SMOC2: variants seen among roughly 807,000 people sequenced by gnomAD.
SMOC2 encodes the protein SPARC related modular calcium binding 2, also known as SPARC-related modular calcium-binding protein 2.
A neutral mutation model predicts 61.4 loss-of-function variants in SMOC2; 39 were observed. That is an observed-to-expected ratio of 0.64 (90% confidence interval 0.49 to 0.83). The LOEUF (loss-of-function observed/expected upper bound fraction) is 0.83, where lower values mean the gene tolerates loss of function less well. SMOC2 is among the 40% of genes least tolerant of loss of function. The pLI is 0.00. For missense variants in SMOC2, 556 were observed against 592.9 expected (o/e 0.94, Z 0.65); for synonymous variants, 247 against 239.9 (o/e 1.03, Z -0.27).
intron 1 of SMOC2, among the ~76,000 whole-genome samples, chr6:168,471,806 A>T (rs1781972603): frequency 6.6e-6 from 1 of 152,172 alleles, no homozygotes; most frequent in African/African-American, 2.4e-5. Context: ...GTGATTGCTC[A>T]TTGGAAGGTT....
intron 7 of SMOC2, among the ~76,000 whole-genome samples, chr6:168,569,558 A>C (rs1005292555): frequency 6.6e-6 from 1 of 152,132 alleles, no homozygotes; most frequent in Non-Finnish European, 1.5e-5. Context: ...ATCCTGCCTC[A>C]GCCTCCTGAG....
chr6:168,531,966 G>A (rs79365541), intron 4 of SMOC2, among the ~76,000 whole-genome samples: 1 of 152,176 alleles, frequency 6.6e-6, no homozygotes, highest in African/African-American at 2.4e-5. Context: ...GAGGTTGATG[G>A]CAAATGGTGT....
intron 1 of SMOC2, among the ~76,000 whole-genome samples, chr6:168,496,477 T>C (rs921793357): frequency 6.6e-6 from 1 of 152,210 alleles, no homozygotes; most frequent in Non-Finnish European, 1.5e-5. Context: ...ATGTGGCTAA[T>C]GGTTTGTGTG....
chr6:168,493,741 T>A (rs1192687142), intron 1 of SMOC2, among the ~76,000 whole-genome samples: 1 of 152,238 alleles, frequency 6.6e-6, no homozygotes, highest in Non-Finnish European at 1.5e-5. Context: ...GCGGACATGA[T>A]TTTATTTTTC....
chr6:168,519,340 C>T (rs1417979932), intron 2 of SMOC2, among the ~76,000 whole-genome samples: 1 of 152,162 alleles, frequency 6.6e-6, no homozygotes, highest in African/African-American at 2.4e-5. Flanking sequence ...TCCCTGGCTC[C>T]ACCCTTTCCA....
chr6:168,581,472 A>G (rs1319847139), intron 7 of SMOC2, among the ~76,000 whole-genome samples: 1 of 152,200 alleles, frequency 6.6e-6, no homozygotes, highest in Non-Finnish European at 1.5e-5. Flanking sequence ...CTGCAGCTTC[A>G]GAAGCCCCGG....
rs186480144 is a variant in SMOC2 at position 168,566,318 on chromosome 6, A to T, written c.637+17115A>T. ...GACACTGTCTAATCATGTATACTAC[A>T]TATGAAATACAACAGTTCAGACTTT... On this transcript the variant is annotated intron_variant, in intron 7 of 12. Coordinates refer to ENST00000356284, the MANE Select transcript of SMOC2 (RefSeq NM_001166412.2). Among the ~76,000 whole-genome samples the T allele has an allele frequency of 2.9e-4, 44 of 152,246 alleles. 1 individual carries two copies. The highest frequency in any genetic ancestry group is 2.6e-3 in the Admixed American group (40 of 15,302).
At chr6:168,632,237 T>G (rs80187007) in intron 9 of SMOC2, among the ~76,000 whole-genome samples, 4,673 of 152,320 alleles carry the variant, frequency 0.031, 264 homozygotes, top group African/African-American at 0.11. Flanking sequence ...ACATTCATAT[T>G]AACCATCCAT....
At chr6:168,529,288 A>C (rs2115078737) in intron 4 of SMOC2, among the ~76,000 whole-genome samples, 1 of 152,232 alleles carries the variant, frequency 6.6e-6, no homozygotes, top group South Asian at 2.1e-4. Flanking sequence ...TGCATATAGA[A>C]GTCTGGTGTT....
chr6:168,442,109 A>C (rs1215995791), intron 1 of SMOC2, among the ~76,000 whole-genome samples: 2 of 152,230 alleles, frequency 1.3e-5, no homozygotes, highest in Admixed American at 1.3e-4. Context: ...ATGAGGTTAC[A>C]GATGATTCTT....
chr6:168,450,153 G>A (rs1308008711), intron 1 of SMOC2, among the ~76,000 whole-genome samples: 2 of 152,170 alleles, frequency 1.3e-5, no homozygotes, highest in African/African-American at 4.8e-5. Context: ...TGACATTACG[G>A]CCCTTTCAAA....
intron 7 of SMOC2, among the ~76,000 whole-genome samples, chr6:168,577,277 A>T (rs915867919): frequency 4.6e-5 from 7 of 151,974 alleles, no homozygotes; most frequent in African/African-American, 1.7e-4. Flanking sequence ...CTGGACCAGG[A>T]TGCTTGTTCC....
At chr6:168,444,027 G>A (rs537137060) in intron 1 of SMOC2, among the ~76,000 whole-genome samples, 3 of 152,322 alleles carry the variant, frequency 2.0e-5, no homozygotes, top group Admixed American at 2.0e-4. Context: ...CCGTGGGTCC[G>A]TATAAGAGAG....
At chr6:168,591,512 G>A (rs1785180010) in intron 7 of SMOC2, among the ~76,000 whole-genome samples, 1 of 152,088 alleles carries the variant, frequency 6.6e-6, no homozygotes, top group Non-Finnish European at 1.5e-5. Context: ...CAAAGCCAAA[G>A]GTTTGAGTGA....
chr6:168,486,598 T>C (rs9456123), intron 1 of SMOC2, among the ~76,000 whole-genome samples: 4,517 of 151,492 alleles, frequency 0.03, 111 homozygotes, highest in Non-Finnish European at 0.051. Flanking sequence ...GAGTTGGCTC[T>C]GATGACCTCC....
chr6:168,448,427 A>ATGG, intron 1 of SMOC2, among the ~76,000 whole-genome samples: 1 of 140,224 alleles, frequency 7.1e-6, no homozygotes, highest in African/African-American at 2.7e-5. Context: ...GGGGAGGACG[A>ATGG]TGATGGGGAG....
At chr6:168,492,896 T>C (rs1782501291) in intron 1 of SMOC2, among the ~76,000 whole-genome samples, 1 of 152,214 alleles carries the variant, frequency 6.6e-6, no homozygotes, top group Non-Finnish European at 1.5e-5. Flanking sequence ...TAGGATCGAA[T>C]GGAATCTGTT....
At chr6:168,562,586 T>G (rs1784446332) in intron 7 of SMOC2, among the ~76,000 whole-genome samples, 1 of 152,120 alleles carries the variant, frequency 6.6e-6, no homozygotes, top group Non-Finnish European at 1.5e-5. Context: ...AATGCAAACG[T>G]TCACCCAAAC....
intron 9 of SMOC2, among the ~76,000 whole-genome samples, chr6:168,608,573 A>G (rs971456164): frequency 5.0e-4 from 76 of 152,258 alleles, no homozygotes; most frequent in Non-Finnish European, 1.5e-4. Context: ...AGAACCCTTT[A>G]TTCATTCTAC....
Sources: gnomAD v4.1 joint callset for allele counts (sites outside exome capture counted in the v4.1 genomes callset) on GRCh38, gnomAD v4.1.1 for gene constraint, MANE v1.5 for transcripts, NCBI Gene and HGNC (gene_info 2026-07-23, HGNC 2026-07-21) for gene names.